Variants in ADAMTS17 observed in about 807,000 individuals in gnomAD.
ADAMTS17 encodes the protein ADAM metallopeptidase with thrombospondin type 1 motif 17.
Under a neutral mutation model 141.5 loss-of-function variants are expected in ADAMTS17, and 113 were observed. The ratio of observed to expected loss-of-function variants is 0.80; its 90% confidence interval spans 0.69 to 0.93. The LOEUF (loss-of-function observed/expected upper bound fraction) is 0.93. ADAMTS17 is among the 40% of genes least tolerant of loss of function. ADAMTS17 has a pLI of 0.00. For synonymous variants in ADAMTS17, 768 were observed against 630.6 expected (o/e 1.22, Z -3.27); for missense variants, 1,659 against 1,517.9 (o/e 1.09, Z -1.54).
intron 4 of ADAMTS17, among the ~76,000 whole-genome samples, chr15:100,278,412 A>C (rs1247342370): frequency 6.6e-6 from 1 of 152,002 alleles, no homozygotes; most frequent in Non-Finnish European, 1.5e-5. Flanking sequence ...ATGACTTTGA[A>C]GGAGGGGTGG....
intron 2 of ADAMTS17, among the ~76,000 whole-genome samples, chr15:100,334,150 C>T (rs12593016): frequency 0.063 from 9,620 of 152,242 alleles, 479 homozygotes; most frequent in Admixed American, 0.16. Flanking sequence ...CACGCCACAC[C>T]ACCTCGTGCC....
At chr15:100,232,495 T>G (rs1379453205) in intron 7 of ADAMTS17, among the ~76,000 whole-genome samples, 7 of 152,188 alleles carry the variant, frequency 4.6e-5, no homozygotes. Flanking sequence ...TGACACATCC[T>G]CCCAGTAAAC....
At chr15:100,229,751 C>T (rs2042419299) in intron 7 of ADAMTS17, among the ~76,000 whole-genome samples, 1 of 152,206 alleles carries the variant, frequency 6.6e-6, no homozygotes, top group Admixed American at 6.5e-5. Flanking sequence ...CTGCAAAGTT[C>T]CCTCTCCCTG....
chr15:100,051,372 G>C (rs1298865912), intron 17 of ADAMTS17, among the ~76,000 whole-genome samples, 200 bp downstream of exon 17: 6 of 152,196 alleles, frequency 3.9e-5, no homozygotes, highest in Non-Finnish European at 8.8e-5. Context: ...GCAAAGCAGA[G>C]GTATGGGCAT....
At chr15:100,049,244 A>T (rs556378912) in intron 17 of ADAMTS17, among the ~76,000 whole-genome samples, 1 of 152,336 alleles carries the variant, frequency 6.6e-6, no homozygotes, top group Non-Finnish European at 1.5e-5. Context: ...AACACCTCAG[A>T]TCAGCGGTGT....
At chr15:100,147,054 T>C (rs1014107742) in intron 10 of ADAMTS17, among the ~76,000 whole-genome samples, 1 of 152,138 alleles carries the variant, frequency 6.6e-6, no homozygotes, top group African/African-American at 2.4e-5. Flanking sequence ...GATATTCTAT[T>C]ACCTTCTGAA....
At chr15:100,184,300 C>A (rs2040628248) in intron 8 of ADAMTS17, among the ~76,000 whole-genome samples, 1 of 152,174 alleles carries the variant, frequency 6.6e-6, no homozygotes, top group South Asian at 2.1e-4. Flanking sequence ...AAGCTCCAGG[C>A]TGCAGGCCTC....
intron 8 of ADAMTS17, among the ~76,000 whole-genome samples, chr15:100,184,054 C>T (rs1372113196): frequency 6.6e-6 from 1 of 152,018 alleles, no homozygotes; most frequent in African/African-American, 2.4e-5. Context: ...GCTGCTGCTG[C>T]TGGGAGCAGA....
chr15:100,225,890 A>G (rs2042293166), intron 7 of ADAMTS17, among the ~76,000 whole-genome samples: 1 of 145,046 alleles, frequency 6.9e-6, no homozygotes, highest in Non-Finnish European at 1.5e-5. Flanking sequence ...TCCTTACAGC[A>G]GTCACGGTCT....
At chr15:100,073,658 C>T (rs182457833) in intron 15 of ADAMTS17, among the ~76,000 whole-genome samples, 6,155 of 150,158 alleles carry the variant, frequency 0.041, 436 homozygotes, top group African/African-American at 0.14. Context: ...CAAACTATCA[C>T]AAGGACAAAA....
At chr15:100,072,694 G>T (rs1176685707) in intron 15 of ADAMTS17, among the ~76,000 whole-genome samples, 1 of 152,126 alleles carries the variant, frequency 6.6e-6, no homozygotes, top group Non-Finnish European at 1.5e-5. Context: ...CGGGAAAACT[G>T]GCTAGCCATA....
At chr15:100,005,796 C>A (rs1260520215) in intron 18 of ADAMTS17, among the ~76,000 whole-genome samples, 1 of 152,132 alleles carries the variant, frequency 6.6e-6, no homozygotes, top group Non-Finnish European at 1.5e-5. Context: ...GAATCTATTC[C>A]CTCACAGTTT....
At position 100,199,308 on chromosome 15, in the gene ADAMTS17, T is replaced by G. The variant is rs776253612; in HGVS notation, c.1181+10A>C. 6.2e-7 allele frequency: 1 copy of G among 1,612,016 alleles called. No homozygotes were observed. The highest frequency in any genetic ancestry group is 8.5e-7 in the Non-Finnish European group (1 of 1,178,002). ...AAAGAAAACAGGACGACACAGAGTC[T>G]GATACTTACTTGTGGCCCAGCTCAT... On this transcript the variant is annotated intron_variant, in intron 8 of 21. Coordinates refer to ENST00000268070, the MANE Select transcript of ADAMTS17 (RefSeq NM_139057.4).
intron 15 of ADAMTS17, among the ~76,000 whole-genome samples, chr15:100,073,085 A>G (rs1020547827): frequency 1.3e-5 from 2 of 152,194 alleles, no homozygotes; most frequent in African/African-American, 4.8e-5. Flanking sequence ...AAACAGCCCC[A>G]TCAAAAAGTG....
In ADAMTS17 at chr15:100,150,863, A is replaced by T. The variant is rs115639181; in HGVS notation, c.1473+1749T>A. ...GCCTGACATCCTCCCTGGTATCCCA[A>T]CCACACAATCTCATGCTGTCTCCAC... On this transcript the variant is annotated intron_variant, in intron 10 of 21. Transcript: ENST00000268070. 4.5e-3 allele frequency among the ~76,000 whole-genome samples: 679 copies of T among 151,762 alleles called. 3 individuals carry two copies. Among genetic ancestry groups the T allele is most frequent in the African/African-American group, 0.015 (627 of 41,338 alleles).
At chr15:100,116,628 C>T (rs2037148178) in intron 13 of ADAMTS17, among the ~76,000 whole-genome samples, 1 of 152,248 alleles carries the variant, frequency 6.6e-6, no homozygotes, top group Non-Finnish European at 1.5e-5. Context: ...GGCCTGCTGC[C>T]TGCTTCAACA....
intron 18 of ADAMTS17, among the ~76,000 whole-genome samples, chr15:100,045,023 G>C (rs1040706058): frequency 7.9e-5 from 12 of 152,008 alleles, no homozygotes; most frequent in Admixed American, 2.6e-4. Flanking sequence ...GGCCAGGCTG[G>C]TCTTGAAATC....
At chr15:100,272,206 T>G (rs1411122528) in intron 4 of ADAMTS17, among the ~76,000 whole-genome samples, 7 of 152,196 alleles carry the variant, frequency 4.6e-5, no homozygotes, top group African/African-American at 1.7e-4. Flanking sequence ...AGATTTCATA[T>G]TAATTTTAGA....
At chr15:100,275,598 C>T (rs549815599) in intron 4 of ADAMTS17, among the ~76,000 whole-genome samples, 1 of 152,280 alleles carries the variant, frequency 6.6e-6, no homozygotes, top group South Asian at 2.1e-4. Context: ...GACTGGAGTC[C>T]TTGCCCTACT....
Sources: allele counts gnomAD v4.1 joint callset (sites outside exome capture counted in the v4.1 genomes callset), GRCh38; gene constraint gnomAD v4.1.1; transcripts MANE v1.5; gene names NCBI Gene and HGNC (gene_info 2026-07-23, HGNC 2026-07-21).